The following CAPS2 variants were observed in gnomAD, a reference collection of about 807,000 sequenced individuals.
CAPS2 encodes the protein calcyphosine 2.
CAPS2 carries 98 observed loss-of-function variants against 86.5 expected under a neutral mutation model. The observed-to-expected ratio is 1.13, with a 90% CI of 0.96 to 1.34. CAPS2 has a LOEUF of 1.34. Among genes scored for constraint, CAPS2 ranks in the 40% most tolerant of loss-of-function variants. The pLI, the probability that CAPS2 is intolerant of heterozygous loss-of-function variation, is 0.00. For synonymous variants in CAPS2, 210 were observed against 225.1 expected (o/e 0.93, Z 0.60); for missense variants, 729 against 686.8 (o/e 1.06, Z -0.69).
intron 14 of CAPS2, 127 bp from the exon 15 acceptor site, chr12:75,285,207 A>G (rs2034654672): frequency 1.2e-6 from 1 of 852,270 alleles, no homozygotes; most frequent in Non-Finnish European, 1.7e-6. Flanking sequence ...AAAATTGAAG[A>G]AGCTACATAA....
exon 17 of CAPS2, chr12:75,278,842 T>C (rs2033349145): frequency 7.1e-7 from 1 of 1,405,354 alleles, no homozygotes; most frequent in African/African-American, 1.5e-5. Flanking sequence ...ATTGATATCA[T>C]CTCTCCAATA....
chr12:75,319,167 A>C (rs953478682), intron 5 of CAPS2, among the ~76,000 whole-genome samples: 1 of 152,154 alleles, frequency 6.6e-6, no homozygotes, highest in Admixed American at 6.6e-5. Flanking sequence ...ATCACCTTTT[A>C]TAGTAAGTGG....
At chr12:75,354,162 A>C (rs904480097) in intron 1 of CAPS2, among the ~76,000 whole-genome samples, 8 of 108,252 alleles carry the variant, frequency 7.4e-5, no homozygotes, top group Non-Finnish European at 1.0e-4. Context: ...GGAAGAGAAA[A>C]AAAAGGGGGG....
At chr12:75,333,271 TACAA>T (rs1023244640), upstream of CAPS2, among the ~76,000 whole-genome samples, 30 of 152,292 alleles carry the variant, frequency 2.0e-4, no homozygotes, top group Admixed American at 7.2e-4. Context: ...TATATGTGTA[TACAA>T]ACAGATTTAT....
intron 1 of CAPS2, among the ~76,000 whole-genome samples, chr12:75,363,469 GCTT>G (rs2043753916): frequency 6.6e-6 from 1 of 152,058 alleles, no homozygotes; most frequent in Admixed American, 6.5e-5. Flanking sequence ...GGGTTGAAAT[GCTT>G]CTTATTTTTA....
upstream of CAPS2, chr12:75,334,558 G>A (rs141190642): frequency 1.1e-5 from 15 of 1,416,750 alleles, no homozygotes; most frequent in African/African-American, 1.6e-4. Flanking sequence ...CCTGCTGCCT[G>A]TTCTTCCCCA....
At chr12:75,352,770 A>G (rs1484252467) in intron 1 of CAPS2, among the ~76,000 whole-genome samples, 1 of 152,232 alleles carries the variant, frequency 6.6e-6, no homozygotes, top group African/African-American at 2.4e-5. Flanking sequence ...TCCTCAGCAA[A>G]TGCAAAAGAA....
intron 1 of CAPS2, among the ~76,000 whole-genome samples, chr12:75,380,051 T>G (rs2044874144): frequency 6.6e-6 from 1 of 151,762 alleles, no homozygotes; most frequent in African/African-American, 2.4e-5. Flanking sequence ...ATTTTTATAA[T>G]AAAGTAATAT....
At chr12:75,309,189 C>G (rs1035643333) in intron 7 of CAPS2, among the ~76,000 whole-genome samples, 1 of 152,076 alleles carries the variant, frequency 6.6e-6, no homozygotes, top group African/African-American at 2.4e-5. Context: ...ATTAGGCATC[C>G]TTGGGAAGAG....
chr12:75,297,085 CCTT>C (rs1257582442), intron 11 of CAPS2, among the ~76,000 whole-genome samples: 1 of 151,628 alleles, frequency 6.6e-6, no homozygotes, highest in African/African-American at 2.4e-5. Context: ...TTTCTTCTTT[CCTT>C]CTTTCTTTCT....
At chr12:75,372,941 T>C (rs983708047) in intron 1 of CAPS2, among the ~76,000 whole-genome samples, 3 of 152,220 alleles carry the variant, frequency 2.0e-5, no homozygotes, top group Non-Finnish European at 4.4e-5. Context: ...CAGAGGCATT[T>C]TGTTTGCAGA....
At chr12:75,330,945 C>T (rs367786363), upstream of CAPS2, among the ~76,000 whole-genome samples, 128 of 152,050 alleles carry the variant, frequency 8.4e-4, no homozygotes, top group African/African-American at 2.9e-3. Context: ...CCACCACGCC[C>T]GGTTAATATT....
chr12:75,341,017 T>G (rs2042066291), intron 1 of CAPS2, among the ~76,000 whole-genome samples: 1 of 151,682 alleles, frequency 6.6e-6, no homozygotes, highest in Admixed American at 6.6e-5. Context: ...GGAAATAGTT[T>G]GGCAATTTCT....
chr12:75,311,139 C>T (rs987736338), intron 7 of CAPS2, among the ~76,000 whole-genome samples: 11 of 152,104 alleles, frequency 7.2e-5, no homozygotes, highest in African/African-American at 2.4e-4. Context: ...ATCTGGCTTG[C>T]CTTTTAATGG....
At chr12:75,291,804 G>T in exon 13 of CAPS2, 1 of 1,550,824 alleles carries the variant, frequency 6.4e-7, no homozygotes, top group South Asian at 1.2e-5. Context: ...TCATCCTCCT[G>T]TTCCATAGAA....
chr12:75,381,761 T>C (rs1174264613), intron 1 of CAPS2, among the ~76,000 whole-genome samples: 1 of 151,762 alleles, frequency 6.6e-6, no homozygotes, highest in Non-Finnish European at 1.5e-5. Flanking sequence ...ACTACAGGCA[T>C]GTGTCACCAT....
chr12:75,380,156 A>G (rs2044879481), intron 1 of CAPS2, among the ~76,000 whole-genome samples: 1 of 152,220 alleles, frequency 6.6e-6, no homozygotes, highest in African/African-American at 2.4e-5. Flanking sequence ...GAATATAAAA[A>G]GAAACACTTC....
At chr12:75,277,106 A>G (rs1387453045), downstream of CAPS2, 1 of 983,432 alleles carries the variant, frequency 1.0e-6, no homozygotes, top group East Asian at 1.1e-4. Flanking sequence ...AAATAGAGCT[A>G]TTTCCTACAA....
intron 15 of CAPS2, among the ~76,000 whole-genome samples, chr12:75,283,197 C>T (rs2034288634): frequency 6.6e-6 from 1 of 152,158 alleles, no homozygotes; most frequent in Non-Finnish European, 1.5e-5. Flanking sequence ...TTCAGTGTAG[C>T]TCTATCATAA....
Sources: allele counts gnomAD v4.1 joint callset (sites outside exome capture counted in the v4.1 genomes callset), GRCh38; gene constraint gnomAD v4.1.1; transcripts MANE v1.5; gene names NCBI Gene and HGNC (gene_info 2026-07-23, HGNC 2026-07-21).